GTPBP4: variants seen among roughly 807,000 people sequenced by gnomAD.
GTPBP4 encodes GTP binding protein 4.
GTPBP4 carries 15 observed loss-of-function variants against 81.7 expected under a neutral mutation model. The observed-to-expected ratio is 0.18, with a 90% CI of 0.12 to 0.28. The LOEUF (loss-of-function observed/expected upper bound fraction) is 0.28, where lower values mean the gene tolerates loss of function less well. Among genes scored for constraint, GTPBP4 ranks in the 10% least tolerant of loss-of-function variants. GTPBP4 has a pLI of 1.00. For missense variants in GTPBP4, 847 were observed against 793.8 expected, an observed-to-expected ratio of 1.07 and a Z score of -0.81; for synonymous variants, 272 against 274.6, an observed-to-expected ratio of 0.99 and a Z score of 0.09.
intron 12 of GTPBP4, 28 bp downstream of exon 12, chr10:1,009,608 TA>T: frequency 1.5e-6 from 2 of 1,309,438 alleles, no homozygotes; most frequent in Non-Finnish European, 2.2e-6. Flanking sequence ...ATCATTATTA[TA>T]AAATGCCAAT....
intron 15 of GTPBP4, among the ~76,000 whole-genome samples, chr10:1,015,427 GTGGA>G (rs1170299127): frequency 1.2e-4 from 13 of 109,206 alleles, no homozygotes; most frequent in African/African-American, 4.6e-4. Flanking sequence ...GAGCCTGGGA[GTGGA>G]CCTGGGGTCC....
chr10:997,527 G>A (rs557115978), intron 5 of GTPBP4, among the ~76,000 whole-genome samples: 5 of 152,358 alleles, frequency 3.3e-5, no homozygotes, highest in South Asian at 4.1e-4. Context: ...GCCTGAGCAC[G>A]CCGAGCTCCT....
intron 5 of GTPBP4, among the ~76,000 whole-genome samples, chr10:997,529 C>G (rs2242271): frequency 1.3e-5 from 2 of 152,100 alleles, no homozygotes; most frequent in Admixed American, 1.3e-4. Context: ...CTGAGCACGC[C>G]GAGCTCCTCT....
chr10:1,006,669 G>A (rs1831742111), intron 9 of GTPBP4, among the ~76,000 whole-genome samples: 1 of 151,742 alleles, frequency 6.6e-6, no homozygotes, highest in African/African-American at 2.4e-5. Flanking sequence ...TGATGCCATG[G>A]TCGCACTCAG....
At position 1,017,562 on chromosome 10, in the gene GTPBP4, C is replaced by G. The variant is rs1422714508; in HGVS notation, c.*335C>G. 1 of 199,962 alleles carries G rather than the reference C, an allele frequency of 5.0e-6. No individual in the cohort carries two copies. Among genetic ancestry groups the G allele is most frequent in the Non-Finnish European group, 1.0e-5 (1 of 99,866 alleles). The allele number at this position is 199,962 out of a possible 1,614,324, so 12.4% of individuals were successfully genotyped here. A position where few individuals can be genotyped will look rare whatever the true frequency, so the allele number is the denominator to read the frequency against. On this transcript the variant is annotated 3_prime_UTR_variant, in exon 17 of 17. Transcript: ENST00000360803. ...TTCTTTTGTAAGAGCTGGGAGCAAACACGTTTATGAGTGTGTCGGAATCCC... is the reference window on the plus strand; with the variant it reads ...TTCTTTTGTAAGAGCTGGGAGCAAAGACGTTTATGAGTGTGTCGGAATCCC...
chr10:1,008,319 C>T (rs889352637), intron 10 of GTPBP4: 4 of 368,624 alleles, frequency 1.1e-5, no homozygotes, highest in African/African-American at 2.1e-5. Flanking sequence ...GCGGGAGAAT[C>T]GTTTGAACCT....
chr10:1,019,476 A>G lies in GTPBP4; in HGVS notation c.*2249A>G. On this transcript the variant is annotated 3_prime_UTR_variant, in exon 17 of 17. Coordinates refer to ENST00000360803, the MANE Select transcript of GTPBP4 (RefSeq NM_012341.3). ...TTGCCTCAATGGTGCGTCTGCCTGC[A>G]CTGAGGGCATTACACATGGCTGACT... The G allele has an allele frequency of 1.3e-6, 2 of 1,534,740 alleles. No homozygotes were observed. The highest frequency in any genetic ancestry group is 1.8e-6 in the Non-Finnish European group (2 of 1,125,100).
In GTPBP4 at chr10:996,295, G is replaced by A. The variant is rs1401650658; in HGVS notation, c.460+53G>A. On this transcript the variant is annotated intron_variant, in intron 4 of 16. Transcript: ENST00000360803. ...TGCTAGCATCCTGCTGAGAGGATGC[G>A]TCCTTGTTGAGGACTTGAGATGTCT... The A allele has an allele frequency of 3.1e-5, 47 of 1,514,396 alleles. No homozygotes were observed. In the East Asian group the frequency reaches 4.6e-4, roughly 15 times the overall value. 93.8% of individuals were successfully genotyped at this position (1,514,396 alleles called of 1,614,324 possible).
chr10:1,015,122 A>G (rs1158152344), intron 15 of GTPBP4, among the ~76,000 whole-genome samples: 1 of 152,076 alleles, frequency 6.6e-6, no homozygotes, highest in Non-Finnish European at 1.5e-5. Flanking sequence ...TGAGAGTTCT[A>G]AGTTTCTTTA....
At chr10:1,001,272 G>A (rs555979289) in intron 8 of GTPBP4, among the ~76,000 whole-genome samples, 1 of 152,332 alleles carries the variant, frequency 6.6e-6, no homozygotes, top group South Asian at 2.1e-4. Flanking sequence ...TGGACTTTTG[G>A]AAAATGTGAT....
chr10:996,013 G>A lies in GTPBP4; in HGVS notation c.304G>A (p.Ala102Thr), dbSNP rs745530650. The A allele has an allele frequency of 5.0e-6, 8 of 1,607,768 alleles. No homozygotes were observed. Among genetic ancestry groups the A allele is most frequent in the Middle Eastern group, 1.7e-4 (1 of 6,050 alleles). The change falls in exon 3 of 17, where the codon GCC becomes ACC. Residue 102 changes from alanine (A) to threonine (T), a missense_variant. Coordinates refer to ENST00000360803, the MANE Select transcript of GTPBP4 (RefSeq NM_012341.3). The stretch of plus-strand genomic sequence containing the variant: ...GTTGGCTCTGGGGCAAATAAATATT[G>A]CCAAAAATTTAGTGGACAAGTAAGG... Reference protein sequence around the residue: ...YKLALGQINIAKNLVDNVAKD... With the variant: ...YKLALGQINITKNLVDNVAKD...
At chr10:1,014,614 G>A (rs954836375) in intron 15 of GTPBP4, among the ~76,000 whole-genome samples, 26 of 152,154 alleles carry the variant, frequency 1.7e-4, no homozygotes, top group African/African-American at 4.8e-4. Context: ...AGCTGAGATC[G>A]TGCCCCTGTA....
At position 997,542 on chromosome 10, in the gene GTPBP4, G is replaced by A. The variant is rs116310045; in HGVS notation, c.561+234G>A. On this transcript the variant is annotated intron_variant, in intron 5 of 16. Coordinates refer to ENST00000360803, the MANE Select transcript of GTPBP4 (RefSeq NM_012341.3). ...GCCTGAGCACGCCGAGCTCCTCTTG[G>A]TGAGGATTTACTTTGTCTGTATCTA... Among the ~76,000 whole-genome samples the A allele has an allele frequency of 7.3e-3, 1,111 of 152,362 alleles. 18 individuals carry two copies. Among genetic ancestry groups the A allele is most frequent in the African/African-American group, 0.025 (1,050 of 41,582 alleles).
At chr10:1,015,579 G>T (rs12572385) in intron 15 of GTPBP4, among the ~76,000 whole-genome samples, 174 bp from the exon 16 acceptor site, 148 of 2,612 alleles carry the variant, frequency 0.057, no homozygotes, top group Middle Eastern at 0.25. Flanking sequence ...GGTCCTGAGC[G>T]CTGAGCCTGG....
chr10:999,307 G>T (rs749415149), intron 6 of GTPBP4, among the ~76,000 whole-genome samples: 6 of 152,106 alleles, frequency 3.9e-5, no homozygotes, highest in African/African-American at 1.2e-4. Context: ...TTTTAGTAGA[G>T]AGGGGGTTTC....
At chr10:993,203 A>G (rs564223401) in intron 2 of GTPBP4, among the ~76,000 whole-genome samples, 6 of 152,314 alleles carry the variant, frequency 3.9e-5, no homozygotes, top group Admixed American at 2.6e-4. Flanking sequence ...GAATGAAGCC[A>G]GAAACCTTGA....
chr10:999,757 G>T (rs1831591501), intron 6 of GTPBP4, among the ~76,000 whole-genome samples: 1 of 152,186 alleles, frequency 6.6e-6, no homozygotes, highest in Non-Finnish European at 1.5e-5. Context: ...TCAGAAGTTC[G>T]AGATTGGCCT....
At chr10:994,975 G>A (rs1205665935) in intron 2 of GTPBP4, among the ~76,000 whole-genome samples, 3 of 152,160 alleles carry the variant, frequency 2.0e-5, no homozygotes, top group Non-Finnish European at 4.4e-5. Flanking sequence ...GTATCTGTGC[G>A]GGGAGAGGGT....
intron 1 of GTPBP4, among the ~76,000 whole-genome samples, chr10:991,310 G>T (rs990795002): frequency 1.3e-5 from 2 of 152,324 alleles, no homozygotes; most frequent in Non-Finnish European, 2.9e-5. Flanking sequence ...TAATCAAATT[G>T]TTGAATTAAT....
Sources: allele counts gnomAD v4.1 joint callset (sites outside exome capture counted in the v4.1 genomes callset), GRCh38; gene constraint gnomAD v4.1.1; transcripts MANE v1.5; gene names NCBI Gene and HGNC (gene_info 2026-07-23, HGNC 2026-07-21).